The following PCDHGA2 variants were observed in gnomAD, a reference collection of about 807,000 sequenced individuals.
The protein encoded by PCDHGA2 is protocadherin gamma subfamily A, 2, also known as protocadherin gamma-A2.
In PCDHGA2, 40 loss-of-function variants were observed where a neutral mutation model predicts 59.2. The observed-to-expected ratio is 0.68, with a 90% CI of 0.52 to 0.88. The LOEUF (loss-of-function observed/expected upper bound fraction) is 0.88, where lower values mean the gene tolerates loss of function less well. Among genes scored for constraint, PCDHGA2 ranks in the 40% least tolerant of loss-of-function variants. The pLI is 0.00. For synonymous variants in PCDHGA2, 560 were observed against 526.0 expected, an observed-to-expected ratio of 1.06 and a Z score of -0.89; for missense variants, 1,226 against 1,204.0, an observed-to-expected ratio of 1.02 and a Z score of -0.27.
At chr5:141,398,293 T>A in intron 1 of PCDHGA2, 1 of 1,383,344 alleles carries the variant, frequency 7.2e-7, no homozygotes, top group Non-Finnish European at 9.9e-7. Flanking sequence ...GGACCTGGGG[T>A]TCAGCGTCCA....
intron 2 of PCDHGA2, among the ~76,000 whole-genome samples, chr5:141,502,759 C>T (rs535899844): frequency 9.9e-5 from 15 of 152,130 alleles, no homozygotes; most frequent in African/African-American, 3.6e-4. Context: ...CATGTATTTG[C>T]TGGTATTCTT....
Position 141,340,280 on chromosome 5 carries a change from C to T in PCDHGA2, c.1309C>T (p.His437Tyr). 1 of 1,614,162 alleles carries T rather than the reference C, an allele frequency of 6.2e-7. No individual in the cohort carries two copies. Among genetic ancestry groups the T allele is most frequent in the Non-Finnish European group, 8.5e-7 (1 of 1,180,032 alleles). ...GGNPSLSTDA[H>Y]ILLQVADIND... ...GAACCCCTCCCTGTCCACGGATGCT[C>T]ACATTTTGCTCCAGGTGGCAGACAT... The change falls in exon 1 of 4, where the codon CAC becomes TAC. Residue 437 changes from histidine to tyrosine, a missense_variant. Coordinates refer to ENST00000394576, the MANE Select transcript of PCDHGA2 (RefSeq NM_018915.4).
Position 141,340,807 on chromosome 5 carries a change from C to T in PCDHGA2, c.1836C>T (p.Ser612=), listed in dbSNP as rs149085110. 1.9e-6 allele frequency: 3 copies of T among 1,613,604 alleles called. No individual in the cohort carries two copies. Among genetic ancestry groups the T allele is most frequent in the Admixed American group, 3.3e-5 (2 of 59,990 alleles). Residue 612 remains serine, a synonymous_variant, in exon 1 of 4, where the codon AGC becomes AGT. Coordinates refer to ENST00000394576, the MANE Select transcript of PCDHGA2 (RefSeq NM_018915.4). ...AWLSYHLLKA[S]EPGLFSVGLH... ...TGTCTTACCACCTGCTCAAGGCCAG[C>T]GAGCCGGGACTCTTCTCGGTGGGTC... is the stretch of plus-strand genomic sequence containing the variant.
chr5:141,490,544 A>G lies in PCDHGA2; in HGVS notation c.2425-4263A>G. 6.2e-7 allele frequency: 1 copy of G among 1,614,120 alleles called. No individual in the cohort carries two copies. Among genetic ancestry groups the G allele is most frequent in the Non-Finnish European group, 8.5e-7 (1 of 1,180,028 alleles). ...AGCGATGCTGGTTCACCTTCCCTAC[A>G]CAAACATCTCACCATCAGGCTCAAC... On this transcript the variant is annotated intron_variant, in intron 1 of 3. Transcript: ENST00000394576. This position sits in a 1 kb window ranked among gnomAD's most constrained non-coding sequence, Gnocchi z 5.4.
intron 1 of PCDHGA2, chr5:141,403,849 G>C (rs1422192604): frequency 6.2e-7 from 1 of 1,613,560 alleles, no homozygotes; most frequent in South Asian, 1.1e-5. Context: ...AAAATACTGG[G>C]GAAATATCAA....
At chr5:141,461,825 T>C (rs2099024418) in intron 1 of PCDHGA2, among the ~76,000 whole-genome samples, 1 of 151,778 alleles carries the variant, frequency 6.6e-6, no homozygotes, top group African/African-American at 2.4e-5. Context: ...AGCTAATTTT[T>C]TTTTCTTTTT....
At chr5:141,382,896 G>T (rs754850386) in intron 1 of PCDHGA2, 1 of 1,537,674 alleles carries the variant, frequency 6.5e-7, no homozygotes, top group Admixed American at 2.1e-5. Context: ...GAAGCAGGAC[G>T]ACTATGGCGG....
At chr5:141,355,120 T>C (rs1759719177) in intron 1 of PCDHGA2, 2 of 1,514,578 alleles carry the variant, frequency 1.3e-6, no homozygotes, top group Non-Finnish European at 8.8e-7. Flanking sequence ...GCACTTTATT[T>C]TGGACCCAGA....
At chr5:141,410,037 G>T (rs760397726) in intron 1 of PCDHGA2, 2 of 1,613,250 alleles carry the variant, frequency 1.2e-6, no homozygotes, top group South Asian at 2.2e-5. Flanking sequence ...CTGCAGGCCA[G>T]TGAGCCCGGA....
intron 1 of PCDHGA2, chr5:141,374,164 G>A: frequency 6.2e-7 from 1 of 1,612,952 alleles, no homozygotes; most frequent in East Asian, 2.2e-5. Context: ...GGGGGGCCGC[G>A]GCAGCGCAGA....
chr5:141,502,601 A>G (rs2099815205), intron 2 of PCDHGA2, among the ~76,000 whole-genome samples: 1 of 152,218 alleles, frequency 6.6e-6, no homozygotes, highest in Non-Finnish European at 1.5e-5. Flanking sequence ...ATATTTTAAA[A>G]TATTTGTGAA....
chr5:141,360,658 A>G, intron 1 of PCDHGA2: 1 of 1,613,590 alleles, frequency 6.2e-7, no homozygotes, highest in South Asian at 1.1e-5. Flanking sequence ...CCTTAATGAC[A>G]ACGAGTACTT....
chr5:141,344,348 A>C lies in PCDHGA2; in HGVS notation c.2424+2953A>C, dbSNP rs556423693. ...CTCAGATCCCGCTGTGTCTGGTAAA[A>C]ATTAACATTCTGGTTGAGGATAAAT... On this transcript the variant is annotated intron_variant, in intron 1 of 3. Coordinates refer to ENST00000394576, the MANE Select transcript of PCDHGA2 (RefSeq NM_018915.4). 5.0e-6 allele frequency: 8 copies of C among 1,613,946 alleles called. No individual in the cohort carries two copies. The African/African-American group carries it at 9.3e-5, about 19-fold the overall frequency.
intron 1 of PCDHGA2, chr5:141,375,823 C>A (rs1771937674): frequency 6.2e-7 from 1 of 1,614,098 alleles, no homozygotes; most frequent in African/African-American, 1.3e-5. Context: ...TGGCGCCCCG[C>A]TCCGCAGAGC....
intron 1 of PCDHGA2, chr5:141,372,201 T>C: frequency 6.2e-7 from 1 of 1,613,588 alleles, no homozygotes; most frequent in Non-Finnish European, 8.5e-7. Flanking sequence ...ATACAACGCC[T>C]GGCTGTCCTA....
chr5:141,452,378 T>C (rs1227738942), intron 1 of PCDHGA2, among the ~76,000 whole-genome samples: 1 of 152,226 alleles, frequency 6.6e-6, no homozygotes, highest in African/African-American at 2.4e-5. Context: ...TAGTAGGGAA[T>C]AGTATTTAGA....
chr5:141,369,694 A>G (rs925359882), intron 1 of PCDHGA2, among the ~76,000 whole-genome samples: 1 of 152,246 alleles, frequency 6.6e-6, no homozygotes, highest in Non-Finnish European at 1.5e-5. Flanking sequence ...AATAAAACTA[A>G]AAGCTATGAC....
At position 141,431,556 on chromosome 5, in the gene PCDHGA2, C is replaced by G. The variant is rs1561853752; in HGVS notation, c.2425-63251C>G. ...GGCACGCAGCTGCTTGTAGTCAACGCTACCGACCCTGACGAAGGAGTCAAT... is the reference window on the plus strand; with the variant it reads ...GGCACGCAGCTGCTTGTAGTCAACGGTACCGACCCTGACGAAGGAGTCAAT... On this transcript the variant is annotated intron_variant, in intron 1 of 3. Transcript: ENST00000394576. The surrounding 1 kb of genome is among the most constrained non-coding windows in gnomAD (Gnocchi z 4.8). 3 of 1,614,138 alleles carry G rather than the reference C, an allele frequency of 1.9e-6. No individual in the cohort carries two copies. The highest frequency in any genetic ancestry group is 2.5e-6 in the Non-Finnish European group (3 of 1,180,022).
At chr5:141,502,234 C>T (rs1482411915) in intron 2 of PCDHGA2, among the ~76,000 whole-genome samples, 1 of 152,108 alleles carries the variant, frequency 6.6e-6, no homozygotes, top group Non-Finnish European at 1.5e-5. Flanking sequence ...TCTGTGTGTT[C>T]TTTTATCCTT....
Sources: allele counts gnomAD v4.1 joint callset (sites outside exome capture counted in the v4.1 genomes callset), GRCh38; gene constraint gnomAD v4.1.1; non-coding constraint Gnocchi (gnomAD v3.1); transcripts MANE v1.5; gene names NCBI Gene and HGNC (gene_info 2026-07-23, HGNC 2026-07-21).